Variants in GALNTL6 observed in about 807,000 individuals in gnomAD.
The protein encoded by GALNTL6 is polypeptide N-acetylgalactosaminyltransferase like 6.
GALNTL6 carries 46 observed loss-of-function variants against 73.7 expected under a neutral mutation model. The ratio of observed to expected loss-of-function variants is 0.62; its 90% CI spans 0.49 to 0.80. The LOEUF (loss-of-function observed/expected upper bound fraction) is 0.80, where lower values mean the gene tolerates loss of function less well. Ranked by LOEUF, GALNTL6 falls within the 30% of genes least tolerant of loss-of-function variation. The probability of loss-of-function intolerance (pLI) is 0.00; values close to 1 mark genes in which losing one functional copy is unlikely to be tolerated. For synonymous variants in GALNTL6, 259 were observed against 263.7 expected (o/e 0.98, Z 0.17); for missense variants, 604 against 755.0 (o/e 0.80, Z 2.34).
At chr4:172,272,441 C>T (rs1738688963) in intron 3 of GALNTL6, among the ~76,000 whole-genome samples, 1 of 152,162 alleles carries the variant, frequency 6.6e-6, no homozygotes, top group Non-Finnish European at 1.5e-5. Context: ...ATACCTATTG[C>T]TCCTAGGTTA....
At chr4:172,707,943 C>T (rs762055690) in intron 5 of GALNTL6, among the ~76,000 whole-genome samples, 2 of 151,962 alleles carry the variant, frequency 1.3e-5, no homozygotes, top group African/African-American at 2.4e-5. Flanking sequence ...TTGGGGAGAG[C>T]CAAAGCCAAG....
intron 10 of GALNTL6, among the ~76,000 whole-genome samples, chr4:172,993,099 C>G (rs1048248219): frequency 7.9e-5 from 12 of 152,086 alleles, no homozygotes; most frequent in Middle Eastern, 3.4e-3. Flanking sequence ...GAATTGTGTC[C>G]CCCCAAAAAT....
chr4:171,817,976 C>CT (rs1169468529), intron 2 of GALNTL6, among the ~76,000 whole-genome samples: 3 of 150,894 alleles, frequency 2.0e-5, no homozygotes, highest in East Asian at 1.9e-4. Context: ...TTAATTTTGT[C>CT]TTTTTTTGTT....
At chr4:172,551,335 C>G (rs1170706774) in intron 5 of GALNTL6, among the ~76,000 whole-genome samples, 1 of 152,074 alleles carries the variant, frequency 6.6e-6, no homozygotes, top group African/African-American at 2.4e-5. Flanking sequence ...AATTACACCC[C>G]ATTGATTAGG....
chr4:172,073,986 G>A (rs1266140128), intron 2 of GALNTL6, among the ~76,000 whole-genome samples: 1 of 152,166 alleles, frequency 6.6e-6, no homozygotes, highest in East Asian at 1.9e-4. Context: ...TACTTCTTCA[G>A]TAAGTTAGAT....
chr4:172,185,343 G>A (rs1735385389), intron 2 of GALNTL6, among the ~76,000 whole-genome samples: 2 of 152,156 alleles, frequency 1.3e-5, no homozygotes, highest in African/African-American at 4.8e-5. Flanking sequence ...ATTTCCTTAT[G>A]TATTTTAGCC....
At chr4:172,520,426 A>T (rs1734739219) in intron 5 of GALNTL6, among the ~76,000 whole-genome samples, 1 of 151,986 alleles carries the variant, frequency 6.6e-6, no homozygotes, top group African/African-American at 2.4e-5. Flanking sequence ...ATCAATGTTT[A>T]TATCCATTTA....
At chr4:172,223,745 A>G (rs1736762362) in intron 2 of GALNTL6, among the ~76,000 whole-genome samples, 1 of 152,130 alleles carries the variant, frequency 6.6e-6, no homozygotes, top group Admixed American at 6.6e-5. Context: ...TAGTTACGTG[A>G]TCTTGAAGAA....
intron 2 of GALNTL6, among the ~76,000 whole-genome samples, chr4:172,053,906 G>A (rs1378916529): frequency 6.6e-6 from 1 of 151,466 alleles, no homozygotes; most frequent in Non-Finnish European, 1.5e-5. Flanking sequence ...TATATCCATG[G>A]GCCAAACAAA....
intron 5 of GALNTL6, among the ~76,000 whole-genome samples, chr4:172,587,029 G>A (rs7658615): frequency 0.46 from 69,549 of 152,036 alleles, 17,724 homozygotes; most frequent in East Asian, 0.68. Context: ...TTGCTTACAA[G>A]CATAAAATTA....
intron 5 of GALNTL6, among the ~76,000 whole-genome samples, chr4:172,639,633 T>C (rs1165778110): frequency 1.3e-5 from 2 of 152,084 alleles, no homozygotes; most frequent in African/African-American, 2.4e-5. Context: ...TCACACCTTC[T>C]TCTCTCTCCT....
chr4:172,618,942 T>TG (rs369324418), intron 5 of GALNTL6, among the ~76,000 whole-genome samples: 4 of 152,112 alleles, frequency 2.6e-5, no homozygotes, highest in African/African-American at 9.7e-5. Flanking sequence ...CAGGATGGTC[T>TG]GGATCTCCTG....
At chr4:171,961,166 T>C (rs1053319115) in intron 2 of GALNTL6, among the ~76,000 whole-genome samples, 2 of 152,158 alleles carry the variant, frequency 1.3e-5, no homozygotes, top group African/African-American at 4.8e-5. Flanking sequence ...CCAAAGTCTG[T>C]TTATTTTACC....
chr4:172,445,390 C>A (rs1414360124), intron 5 of GALNTL6, among the ~76,000 whole-genome samples: 2 of 152,156 alleles, frequency 1.3e-5, no homozygotes, highest in African/African-American at 4.8e-5. Flanking sequence ...ATAGTACATT[C>A]TGAACCTAAA....
chr4:172,176,663 C>T (rs1409940998), intron 2 of GALNTL6, among the ~76,000 whole-genome samples: 1 of 151,944 alleles, frequency 6.6e-6, no homozygotes, highest in Admixed American at 6.6e-5. Context: ...GTGGTGCATG[C>T]CTGTAGTTCT....
chr4:172,159,667 T>TTGTTAAG (rs1430558898), intron 2 of GALNTL6, among the ~76,000 whole-genome samples: 1 of 152,122 alleles, frequency 6.6e-6, no homozygotes, highest in Non-Finnish European at 1.5e-5. Flanking sequence ...GGCTGGAGTT[T>TTGTTAAG]TGTTAAGTGA....
At chr4:171,975,902 A>C (rs907650510) in intron 2 of GALNTL6, among the ~76,000 whole-genome samples, 1 of 151,718 alleles carries the variant, frequency 6.6e-6, no homozygotes. Flanking sequence ...TTCATGCACA[A>C]AATGTATGTG....
At chr4:172,026,415 C>T (rs1741580571) in intron 2 of GALNTL6, among the ~76,000 whole-genome samples, 2 of 151,998 alleles carry the variant, frequency 1.3e-5, no homozygotes, top group Non-Finnish European at 2.9e-5. Flanking sequence ...ATTTTGTAAT[C>T]AGAAAGATGT....
chr4:172,344,778 T>A (rs1408140184), intron 4 of GALNTL6, among the ~76,000 whole-genome samples: 1 of 152,224 alleles, frequency 6.6e-6, no homozygotes, highest in Non-Finnish European at 1.5e-5. Context: ...CCATCTATTA[T>A]GTCACTTGTC....
Sources: gnomAD v4.1 joint callset for allele counts (sites outside exome capture counted in the v4.1 genomes callset) on GRCh38, gnomAD v4.1.1 for gene constraint, MANE v1.5 for transcripts, NCBI Gene and HGNC (gene_info 2026-07-23, HGNC 2026-07-21) for gene names.